Variants in CRHBP observed in about 807,000 individuals in gnomAD.
CRHBP encodes corticotropin-releasing hormone-binding protein.
Under a neutral mutation model 34.9 loss-of-function variants are expected in CRHBP, and 19 were observed. The ratio of observed to expected loss-of-function variants is 0.55; its 90% CI spans 0.38 to 0.80. CRHBP has a LOEUF of 0.80. Among genes scored for constraint, CRHBP ranks in the 30% least tolerant of loss-of-function variants. CRHBP has a pLI of 0.00. For missense variants in CRHBP, 328 were observed against 409.2 expected (o/e 0.80, Z 1.71); for synonymous variants, 154 against 153.4 (o/e 1.00, Z -0.03).
chr5:76,977,702 A>G (rs1746060329), intron 3 of CRHBP, among the ~76,000 whole-genome samples: 2 of 152,200 alleles, frequency 1.3e-5, no homozygotes, highest in African/African-American at 4.8e-5. Flanking sequence ...CCAATTTATA[A>G]TTCTACAATG....
chr5:76,975,825 A>AAAAAAAAAAAAAATATATAT, intron 2 of CRHBP, among the ~76,000 whole-genome samples: 1 of 61,860 alleles, frequency 1.6e-5, no homozygotes, highest in African/African-American at 9.1e-5. Context: ...AAAAAAAAAA[A>AAAAAAAAAAAAAATATATAT]ATATATATAT....
At position 76,963,368 on chromosome 5, in the gene CRHBP, T is replaced by C; in HGVS notation, c.719T>C (p.Ile240Thr). 6.2e-7 allele frequency: 1 copy of C among 1,614,176 alleles called. No individual in the cohort carries two copies. The highest frequency in any genetic ancestry group is 1.7e-5 in the Admixed American group (1 of 60,010). The change falls in exon 6 of 7, where the codon ATA becomes ACA. Residue 240 changes from isoleucine (I) to threonine (T), a missense_variant. By Grantham distance (89) the Ile-to-Thr change is moderately conservative (BLOSUM62 -1). Transcript: ENST00000274368. ...LKKSSAGCEG[I>T]GDFVELLGGT... ...AAATCCTCAGCAGGTTGCGAGGGAA[T>C]AGGAGACTTTGTGGAGCTGCTGGGA... is the stretch of plus-strand genomic sequence containing the variant.
intron 5 of CRHBP, among the ~76,000 whole-genome samples, chr5:76,963,078 C>T (rs1745803784): frequency 6.6e-6 from 1 of 151,808 alleles, no homozygotes; most frequent in South Asian, 2.1e-4. Flanking sequence ...TTTATCATTC[C>T]AGTCCTTGAG....
chr5:76,956,907 G>A (rs1344050080), intron 4 of CRHBP, among the ~76,000 whole-genome samples: 1 of 152,168 alleles, frequency 6.6e-6, no homozygotes, highest in African/African-American at 2.4e-5. Context: ...ATGCACTACT[G>A]ATCTTTTGAT....
rs148838990 is a variant in CRHBP at position 76,965,795 on chromosome 5, T to G, written c.811+2335T>G. Among the ~76,000 whole-genome samples the G allele has an allele frequency of 2.0e-5, 3 of 152,352 alleles. No individual in the cohort carries two copies. In the East Asian group the frequency reaches 5.8e-4, roughly 29 times the overall value. On this transcript the variant is annotated intron_variant, in intron 6 of 6. Coordinates refer to ENST00000274368, the MANE Select transcript of CRHBP (RefSeq NM_001882.4). ...ATCACTCTTTGGTTCATTTTAGACT[T>G]TATTCCGTTACTGGAAGGAGGGCCT...
chr5:76,954,063 C>G lies in CRHBP; in HGVS notation c.210C>G (p.Phe70Leu), dbSNP rs1007512400. Residue 70 changes from phenylalanine (F) to leucine (L), a missense_variant, in exon 3 of 7, where the codon TTC becomes TTG. Coordinates refer to ENST00000274368, the MANE Select transcript of CRHBP (RefSeq NM_001882.4). Reference protein sequence around the residue: ...CLDMLSLQGQFTFTADRPQLH... With the variant: ...CLDMLSLQGQLTFTADRPQLH... ...ACATGCTGAGCCTCCAGGGCCAGTT[C>G]ACCTTCACCGCCGACCGGCCGCAGC... The G allele has an allele frequency of 1.1e-5, 17 of 1,613,832 alleles. No individual in the cohort carries two copies. The highest frequency in any genetic ancestry group is 1.4e-5 in the Non-Finnish European group (17 of 1,179,928).
At chr5:76,977,479 G>A (rs1423866926) in intron 3 of CRHBP, among the ~76,000 whole-genome samples, 1 of 152,152 alleles carries the variant, frequency 6.6e-6, no homozygotes, top group Non-Finnish European at 1.5e-5. Flanking sequence ...TATCATAGCT[G>A]TTATGGTGAT....
intron 3 of CRHBP, 77 bp from the exon 4 acceptor site, chr5:76,955,576 T>TC (rs1008933592): frequency 1.5e-4 from 206 of 1,349,984 alleles, no homozygotes; most frequent in Admixed American, 8.6e-4. Context: ...TGGATGACTT[T>TC]CCCCCCCTTT....
At chr5:76,953,343 C>A in intron 1 of CRHBP, 128 bp downstream of exon 1, 1 of 903,160 alleles carries the variant, frequency 1.1e-6, no homozygotes, top group Non-Finnish European at 1.8e-6. Flanking sequence ...TGCTGTCTTG[C>A]CCCTGGTTTC....
At chr5:76,954,270 G>A in intron 3 of CRHBP, 84 bp downstream of exon 3, 1 of 1,499,802 alleles carries the variant, frequency 6.7e-7, no homozygotes, top group Non-Finnish European at 9.0e-7. Context: ...CCAGCGTGGG[G>A]CTGCTGAGCG....
chr5:76,953,708 G>C lies in CRHBP; in HGVS notation c.175+14G>C, dbSNP rs770569846. 2.5e-6 allele frequency: 4 copies of C among 1,598,088 alleles called. No homozygotes were observed. The highest frequency in any genetic ancestry group is 1.3e-5 in the African/African-American group (1 of 74,544). ...GCCGCGCTCTGCGTGAGTCGAGGCT[G>C]CCCGGCTCGCGGGCGCCCGGGACGC... On this transcript the variant is annotated intron_variant, in intron 2 of 6. Coordinates refer to ENST00000274368, the MANE Select transcript of CRHBP (RefSeq NM_001882.4).
At chr5:76,959,454 A>G (rs1419983144) in intron 5 of CRHBP, among the ~76,000 whole-genome samples, 1 of 152,218 alleles carries the variant, frequency 6.6e-6, no homozygotes, top group Non-Finnish European at 1.5e-5. Context: ...ACCCCTATCA[A>G]CTTGTTTTTG....
At chr5:76,977,321 G>A (rs1049564314) in intron 3 of CRHBP, among the ~76,000 whole-genome samples, 13 of 152,198 alleles carry the variant, frequency 8.5e-5, no homozygotes, top group Admixed American at 6.5e-4. Flanking sequence ...TGGGCTGTGC[G>A]GATATTATGT....
chr5:76,971,101 C>T (rs902260526), downstream of CRHBP, among the ~76,000 whole-genome samples: 1 of 152,170 alleles, frequency 6.6e-6, no homozygotes, highest in Non-Finnish European at 1.5e-5. Flanking sequence ...GTATATCCAT[C>T]AAGCGAGTAA....
rs1260615260 is a variant in CRHBP, at chr5:76,953,584, CCT to C, written c.82-16_82-15del. ...CAGCCCTTGAACTTTTCCGGACTGA[CCT>C]ATGTTTCTTGCCAGCTGAGGGAAGC... On this transcript the variant is annotated splice_polypyrimidine_tract_variant and intron_variant, in intron 1 of 6. Coordinates refer to ENST00000274368, the MANE Select transcript of CRHBP (RefSeq NM_001882.4). 3 of 1,610,080 alleles carry C rather than the reference CCT, an allele frequency of 1.9e-6. No homozygotes were observed. Among genetic ancestry groups the C allele is most frequent in the Middle Eastern group, 1.7e-4 (1 of 6,054 alleles).
intron 2 of CRHBP, among the ~76,000 whole-genome samples, chr5:76,975,926 ATG>A (rs1229629826): frequency 1.9e-4 from 19 of 101,830 alleles, no homozygotes; most frequent in African/African-American, 7.5e-4. Flanking sequence ...GTGTATATAT[ATG>A]TGTGTGTGTA....
In CRHBP at chr5:76,975,819, A is replaced by AT. The variant is rs1339335545; in HGVS notation, n.312-546_312-545insT. Among the ~76,000 whole-genome samples, 76 of 84,042 alleles carry AT rather than the reference A, an allele frequency of 9.0e-4. 1 individual carries two copies. The highest frequency in any genetic ancestry group is 1.5e-3 in the African/African-American group (20 of 13,154). 55.1% of individuals were successfully genotyped at this position (84,042 alleles called of 152,430 possible). A position where few individuals can be genotyped will look rare whatever the true frequency, so the allele number is the denominator to read the frequency against. ...ACTCTGTCTCAAAAAAAAAAAAAAA[A>AT]AAAAAAATATATATATATATATATA... On this transcript the variant is annotated intron_variant and non_coding_transcript_variant, in intron 2 of 3. Transcript: ENST00000514258.
chr5:76,955,189 CATTAGCAGGTAAAGTT>C (rs1265826761), intron 3 of CRHBP, among the ~76,000 whole-genome samples: 1 of 152,150 alleles, frequency 6.6e-6, no homozygotes, highest in African/African-American at 2.4e-5. Context: ...TGTATATAGT[CATTAGCAGGTAAAGTT>C]GCTGCTCCAG....
At chr5:76,959,348 A>G (rs930326626) in intron 5 of CRHBP, among the ~76,000 whole-genome samples, 13 of 152,356 alleles carry the variant, frequency 8.5e-5, no homozygotes, top group African/African-American at 2.9e-4. Flanking sequence ...AAAATACAAA[A>G]TTGGATTTTT....
Sources: allele counts gnomAD v4.1 joint callset (sites outside exome capture counted in the v4.1 genomes callset), GRCh38; gene constraint gnomAD v4.1.1; transcripts MANE v1.5; gene names NCBI Gene and HGNC (gene_info 2026-07-23, HGNC 2026-07-21).